ANKS1B: variants seen among roughly 807,000 people sequenced by gnomAD.
ANKS1B encodes the protein ankyrin repeat and sterile alpha motif domain containing 1B, also known as ankyrin repeat and sterile alpha motif domain-containing protein 1B.
ANKS1B carries 36 observed loss-of-function variants against 148.3 expected under a neutral mutation model. That is an observed-to-expected ratio of 0.24 (90% CI 0.19 to 0.32). The LOEUF is 0.32. ANKS1B is among the 10% of genes least tolerant of loss of function. The pLI is 1.00. For missense variants in ANKS1B, 1,157 were observed against 1,542.6 expected (o/e 0.75, Z 4.19); for synonymous variants, 542 against 560.8 (o/e 0.97, Z 0.47).
At position 99,658,473 on chromosome 12, in the gene ANKS1B, A is replaced by G. The variant is rs543509802; in HGVS notation, c.1129-3263T>C. ...ACCTAAAATTTTCCAGATTTCCCACAAGCATGCATGATATCATGTTCTTCT... is the reference window on the plus strand; with the variant it reads ...ACCTAAAATTTTCCAGATTTCCCACGAGCATGCATGATATCATGTTCTTCT... On this transcript the variant is annotated intron_variant, in intron 8 of 26. Transcript: ENST00000683438. 7.9e-5 allele frequency among the ~76,000 whole-genome samples: 12 copies of G among 152,124 alleles called. No homozygotes were observed. In the South Asian group the frequency reaches 2.3e-3, roughly 29 times the overall value.
chr12:99,929,936 C>T (rs993141567), intron 1 of ANKS1B, among the ~76,000 whole-genome samples: 1 of 152,098 alleles, frequency 6.6e-6, no homozygotes, highest in Non-Finnish European at 1.5e-5. Context: ...TAGCATGATG[C>T]CTCCAGCTTT....
intron 15 of ANKS1B, among the ~76,000 whole-genome samples, chr12:99,110,526 C>T (rs2153698847): frequency 6.6e-6 from 1 of 152,300 alleles, no homozygotes; most frequent in East Asian, 1.9e-4. Flanking sequence ...TATCATCATT[C>T]TAGGTCATTT....
intron 25 of ANKS1B, among the ~76,000 whole-genome samples, chr12:98,768,050 C>G (rs1324496212): frequency 1.3e-5 from 2 of 152,150 alleles, no homozygotes. Context: ...CCCTACAGTT[C>G]CCTCTTCCCC....
intron 25 of ANKS1B, among the ~76,000 whole-genome samples, chr12:98,765,257 A>G (rs544296444): frequency 6.6e-6 from 1 of 152,276 alleles, no homozygotes; most frequent in Admixed American, 6.5e-5. Context: ...GAAACTGAAG[A>G]CTAGAGGCAT....
At chr12:99,219,456 A>C (rs931124563) in intron 14 of ANKS1B, among the ~76,000 whole-genome samples, 24 of 152,224 alleles carry the variant, frequency 1.6e-4, no homozygotes, top group Non-Finnish European at 3.1e-4. Context: ...TTTCCTTCAA[A>C]GTAAGGAAGT....
intron 14 of ANKS1B, among the ~76,000 whole-genome samples, chr12:99,200,113 A>T (rs575493726): frequency 1.7e-4 from 26 of 152,232 alleles, no homozygotes; most frequent in Non-Finnish European, 3.7e-4. Context: ...TAAGTGAAAC[A>T]TTTCAGTTCT....
At chr12:99,003,303 G>A (rs552517549) in intron 17 of ANKS1B, among the ~76,000 whole-genome samples, 67 of 152,074 alleles carry the variant, frequency 4.4e-4, no homozygotes, top group Middle Eastern at 3.4e-3. Flanking sequence ...AAATTATTCC[G>A]GCTACTCAGG....
At chr12:99,415,442 G>A (rs1293099636) in intron 11 of ANKS1B, among the ~76,000 whole-genome samples, 1 of 152,158 alleles carries the variant, frequency 6.6e-6, no homozygotes, top group Non-Finnish European at 1.5e-5. Context: ...ACATATCACT[G>A]TGTGGGTGAA....
intron 17 of ANKS1B, among the ~76,000 whole-genome samples, chr12:99,042,033 T>G (rs1057504265): frequency 6.7e-6 from 1 of 148,902 alleles, no homozygotes; most frequent in African/African-American, 2.6e-5. Context: ...CAAAACAAAA[T>G]AAAACAAAAA....
At chr12:99,956,834 A>G (rs910905984) in intron 1 of ANKS1B, among the ~76,000 whole-genome samples, 1 of 152,210 alleles carries the variant, frequency 6.6e-6, no homozygotes, top group East Asian at 1.9e-4. Flanking sequence ...TAAAAGTATA[A>G]AAATTCCAAT....
chr12:99,610,724 A>T (rs1310975852), intron 9 of ANKS1B, among the ~76,000 whole-genome samples: 1 of 152,092 alleles, frequency 6.6e-6, no homozygotes, highest in African/African-American at 2.4e-5. Flanking sequence ...CAACAATCCT[A>T]ATTTGAAAAG....
chr12:98,747,858 A>T (rs1285686842), intron 26 of ANKS1B, among the ~76,000 whole-genome samples: 1 of 152,244 alleles, frequency 6.6e-6, no homozygotes, highest in African/African-American at 2.4e-5. Context: ...AGACACAGAA[A>T]GACAAATATT....
intron 17 of ANKS1B, among the ~76,000 whole-genome samples, chr12:98,938,872 A>C (rs1421016713): frequency 6.6e-6 from 1 of 152,232 alleles, no homozygotes; most frequent in Non-Finnish European, 1.5e-5. Flanking sequence ...AAATGTGCTT[A>C]CCATTTGCAA....
intron 17 of ANKS1B, among the ~76,000 whole-genome samples, chr12:98,847,360 T>C (rs2099486153): frequency 6.6e-6 from 1 of 152,206 alleles, no homozygotes; most frequent in Non-Finnish European, 1.5e-5. Flanking sequence ...GATCATATAG[T>C]ATTTGCTTTC....
intron 17 of ANKS1B, among the ~76,000 whole-genome samples, chr12:98,888,968 A>C (rs1549102): frequency 0.39 from 59,140 of 152,140 alleles, 12,724 homozygotes; most frequent in Middle Eastern, 0.56. Context: ...CCCAGAAGAT[A>C]GCAGACACTT....
intron 9 of ANKS1B, among the ~76,000 whole-genome samples, chr12:99,525,299 C>T (rs1202819381): frequency 1.3e-5 from 2 of 152,122 alleles, no homozygotes; most frequent in African/African-American, 2.4e-5. Flanking sequence ...GATTCTTTCT[C>T]GTTTTTAAAT....
chr12:98,878,500 G>C (rs1466318679), intron 17 of ANKS1B, among the ~76,000 whole-genome samples: 1 of 152,180 alleles, frequency 6.6e-6, no homozygotes, highest in Non-Finnish European at 1.5e-5. Context: ...TCCCCTACCA[G>C]TGAGGAAGCT....
At chr12:99,637,434 G>A (rs867867146) in intron 9 of ANKS1B, among the ~76,000 whole-genome samples, 1 of 152,144 alleles carries the variant, frequency 6.6e-6, no homozygotes, top group South Asian at 2.1e-4. Flanking sequence ...AACTCGATTG[G>A]ATTGAAGGAT....
intron 10 of ANKS1B, among the ~76,000 whole-genome samples, chr12:99,447,008 T>C (rs2095647488): frequency 1.3e-5 from 2 of 152,088 alleles, no homozygotes; most frequent in Non-Finnish European, 2.9e-5. Flanking sequence ...GGCTCCTGAA[T>C]AGACAAAGCA....
Sources: allele counts gnomAD v4.1 joint callset (sites outside exome capture counted in the v4.1 genomes callset), GRCh38; gene constraint gnomAD v4.1.1; transcripts MANE v1.5; gene names NCBI Gene and HGNC (gene_info 2026-07-23, HGNC 2026-07-21).